Variants in EP400 observed in about 807,000 individuals in gnomAD.
EP400 encodes E1A-binding protein p400.
A neutral mutation model predicts 354.1 loss-of-function variants in EP400; 105 were observed. The ratio of observed to expected loss-of-function variants is 0.30; its 90% confidence interval spans 0.25 to 0.35. The LOEUF is 0.35. EP400 is among the 10% of genes least tolerant of loss of function. EP400 has a pLI of 1.00. For missense variants in EP400, 3,280 were observed against 4,121.0 expected (o/e 0.80, Z 5.59); for synonymous variants, 1,646 against 1,716.9 (o/e 0.96, Z 1.02).
At chr12:131,975,909 C>T (rs1408990356) in intron 2 of EP400, among the ~76,000 whole-genome samples, 1 of 152,018 alleles carries the variant, frequency 6.6e-6, no homozygotes, top group Non-Finnish European at 1.5e-5. Context: ...TTATATTGCC[C>T]AGGCTGATTT....
At chr12:131,963,378 C>G (rs1891966508) in intron 2 of EP400, among the ~76,000 whole-genome samples, 1 of 152,230 alleles carries the variant, frequency 6.6e-6, no homozygotes, top group Non-Finnish European at 1.5e-5. Context: ...TGCTATAAAT[C>G]TGTCAGTTCA....
chr12:132,056,943 G>A (rs1009818638), intron 45 of EP400, among the ~76,000 whole-genome samples: 15 of 152,204 alleles, frequency 9.9e-5, no homozygotes, highest in African/African-American at 3.1e-4. Context: ...GGTGTGCAAC[G>A]CCATGAGTCA....
intron 4 of EP400, among the ~76,000 whole-genome samples, 160 bp downstream of exon 4, chr12:131,981,756 T>C (rs569228407): frequency 1.3e-3 from 192 of 152,340 alleles, no homozygotes; most frequent in Non-Finnish European, 2.2e-3. Context: ...CGATATCATA[T>C]GCAAAGCCCC....
chr12:131,972,401 C>T (rs1892320439), intron 2 of EP400, among the ~76,000 whole-genome samples: 1 of 152,054 alleles, frequency 6.6e-6, no homozygotes. Context: ...GATCCGCCCT[C>T]CTCGGCCTCC....
Position 131,982,386 on chromosome 12 carries a change from A to G in EP400, c.1837A>G (p.Ile613Val), listed in dbSNP as rs1398816786. ...TGCACCGCCCAGCAGCCAACTCCCC[A>G]TCCCTCCCTCGCAGCCTGCACAGCT... ...IPAPPSSQLP[I>V]PPSQPAQLAL... The change falls in exon 5 of 53, where the codon ATC (isoleucine) becomes GTC (valine). Residue 613 changes from isoleucine (I) to valine (V), a missense_variant. This residue lies in a region of EP400 where 800 missense variants were observed against 840.0 expected (regional missense o/e 0.95). Transcript: ENST00000389561. 6.2e-7 allele frequency: 1 copy of G among 1,613,974 alleles called. No individual in the cohort carries two copies. The highest frequency in any genetic ancestry group is 2.2e-5 in the East Asian group (1 of 44,850).
chr12:132,028,663 G>A (rs947266978), intron 27 of EP400, among the ~76,000 whole-genome samples: 1 of 152,170 alleles, frequency 6.6e-6, no homozygotes, highest in South Asian at 2.1e-4. Context: ...GACAAATGTG[G>A]GCAGGAGTTG....
intron 45 of EP400, 27 bp downstream of exon 45, chr12:132,055,235 C>T (rs1335418347): frequency 6.7e-7 from 1 of 1,489,546 alleles, no homozygotes; most frequent in Non-Finnish European, 9.0e-7. Context: ...CTGGGTTGTG[C>T]ACCTTGACTG....
intron 23 of EP400, among the ~76,000 whole-genome samples, chr12:132,022,550 C>T (rs1212596542): frequency 6.6e-6 from 1 of 152,098 alleles, no homozygotes; most frequent in African/African-American, 2.4e-5. Context: ...AGTCTTTAAA[C>T]CTGTTGTTCA....
At position 132,017,507 on chromosome 12, in the gene EP400, T is replaced by C; in HGVS notation, c.3924-28T>C. 2 of 1,610,430 alleles carry C rather than the reference T, an allele frequency of 1.2e-6. No homozygotes were observed. Among genetic ancestry groups the C allele is most frequent in the Non-Finnish European group, 1.7e-6 (2 of 1,178,426 alleles). ...ATGTCCATGTGCCGTTTGGATTGAA[T>C]GCTTCGTGTTTCTTTCTCCACGGGC... is the stretch of plus-strand genomic sequence containing the variant. On this transcript the variant is annotated intron_variant, in intron 19 of 52. Coordinates refer to ENST00000389561, the MANE Select transcript of EP400 (RefSeq NM_015409.5). This position sits in a 1 kb window ranked among gnomAD's most constrained non-coding sequence, Gnocchi z 5.0.
rs868857643 is a variant in EP400 at position 132,013,266 on chromosome 12, A to G, written c.3611+88A>G. 1.3e-6 allele frequency: 2 copies of G among 1,485,628 alleles called. No individual in the cohort carries two copies. Among genetic ancestry groups the G allele is most frequent in the Middle Eastern group, 3.6e-4 (2 of 5,534 alleles). 92.0% of individuals were successfully genotyped at this position (1,485,628 alleles called of 1,614,324 possible). Reference sequence around the variant, plus strand: ...AGAAATCTGCATAATTGCAGACACAAACAATGGCCTTTGAGCTAGAGAATT... The same window carrying G: ...AGAAATCTGCATAATTGCAGACACAGACAATGGCCTTTGAGCTAGAGAATT... On this transcript the variant is annotated intron_variant, in intron 17 of 52. Transcript: ENST00000389561. This position sits in a 1 kb window ranked among gnomAD's most constrained non-coding sequence, Gnocchi z 4.5.
In EP400 at chr12:132,062,199, G is replaced by A. The variant is rs759381060; in HGVS notation, c.7974G>A (p.Leu2658=). The change falls in exon 46 of 53, where the codon CTG becomes CTA. Residue 2658 remains leucine (L), a synonymous_variant. Transcript: ENST00000389561. ...CCCCAGCCACGGCGACCCCTGACCTGGTGTCCATGGCAACGACTCAGGGTG... is the reference window on the plus strand; with the variant it reads ...CCCCAGCCACGGCGACCCCTGACCTAGTGTCCATGGCAACGACTCAGGGTG... The part of the protein sequence containing the change: ...VGSPATATPD[L]VSMATTQGVR... 1 of 1,614,120 alleles carries A rather than the reference G, an allele frequency of 6.2e-7. No homozygotes were observed. The highest frequency in any genetic ancestry group is 8.5e-7 in the Non-Finnish European group (1 of 1,179,998).
chr12:132,039,837 A>G lies in EP400; in HGVS notation c.6207+1741A>G, dbSNP rs890244769. ...GAGGATGGCTTGAGGCCAGGAGTTCAAGACTGGCATGGGCATCATAGTGGG... is the reference window on the plus strand; with the variant it reads ...GAGGATGGCTTGAGGCCAGGAGTTCGAGACTGGCATGGGCATCATAGTGGG... On this transcript the variant is annotated intron_variant, in intron 32 of 52. Transcript: ENST00000389561. Among the ~76,000 whole-genome samples the G allele has an allele frequency of 4.6e-5, 7 of 152,232 alleles. No homozygotes were observed. In the South Asian group the frequency reaches 6.2e-4, roughly 13 times the overall value.
chr12:131,960,508 T>A, intron 1 of EP400, 77 bp from the exon 2 acceptor site: 1 of 1,339,396 alleles, frequency 7.5e-7, no homozygotes, highest in East Asian at 2.5e-5. Flanking sequence ...TTTCAAAGTG[T>A]CTTTTCAGTG....
In EP400 at chr12:132,077,497, C is replaced by T. The variant is rs768657246; in HGVS notation, c.9196C>T (p.Gln3066Ter). Residue 3066 changes from glutamine to a stop codon, truncating the protein, a stop_gained, in exon 53 of 53, where the codon CAG becomes TAG. Transcript: ENST00000389561. LOFTEE classifies it high-confidence loss of function. ...AVTATAQVVQ[Q>*]KLIQQQVVTT... is the part of the protein sequence containing the mutation. ...GACCGCGACTGCCCAGGTGGTTCAG[C>T]AGAAACTCATTCAGCAGCAGGTGGT... The T allele has an allele frequency of 6.2e-7, 1 of 1,613,716 alleles. No homozygotes were observed. Among genetic ancestry groups the T allele is most frequent in the Admixed American group, 1.7e-5 (1 of 60,026 alleles).
chr12:131,966,026 G>C (rs1892063688), intron 2 of EP400, among the ~76,000 whole-genome samples: 1 of 151,004 alleles, frequency 6.6e-6, no homozygotes, highest in African/African-American at 2.4e-5. Flanking sequence ...TGGGTGGCTG[G>C]CTGGCTGATT....
At position 132,025,070 on chromosome 12, in the gene EP400, C is replaced by A. The variant is rs1443616335; in HGVS notation, c.4856-576C>A. 6.8e-6 allele frequency among the ~76,000 whole-genome samples: 1 copy of A among 147,690 alleles called. No individual in the cohort carries two copies. Among genetic ancestry groups the A allele is most frequent in the African/African-American group, 2.6e-5 (1 of 38,320 alleles). ...TACTTCCTTTTTTTTTTTCTTAAAA[C>A]AAAACAAAACAAAACAAAACATTTT... On this transcript the variant is annotated intron_variant, in intron 24 of 52. Transcript: ENST00000389561. The surrounding 1 kb of genome is among the most constrained non-coding windows in gnomAD (Gnocchi z 4.1).
At chr12:132,007,386 G>C (rs916822139) in intron 15 of EP400, among the ~76,000 whole-genome samples, 10 of 152,244 alleles carry the variant, frequency 6.6e-5, no homozygotes, top group African/African-American at 2.4e-4. Flanking sequence ...AATGGGCCTG[G>C]GTACACTGTG....
At chr12:132,037,617 G>C (rs1340948496) in intron 30 of EP400, 65 bp from the exon 31 acceptor site, 2 of 1,285,256 alleles carry the variant, frequency 1.6e-6, no homozygotes, top group African/African-American at 1.5e-5. Flanking sequence ...TCTGCATGCT[G>C]TGCCCACCTG....
At chr12:132,019,385 A>G (rs1345933855) in intron 21 of EP400, among the ~76,000 whole-genome samples, 1 of 152,104 alleles carries the variant, frequency 6.6e-6, no homozygotes, top group East Asian at 1.9e-4. Context: ...TACATTGTAT[A>G]GGGGTTTTGA....
Sources: allele counts gnomAD v4.1 joint callset (sites outside exome capture counted in the v4.1 genomes callset), GRCh38; gene constraint gnomAD v4.1.1; regional missense constraint gnomAD v4.1.1; non-coding constraint Gnocchi (gnomAD v3.1); transcripts MANE v1.5; gene names NCBI Gene and HGNC (gene_info 2026-07-23, HGNC 2026-07-21).